DPYSL5: variants seen among roughly 807,000 people sequenced by gnomAD.
The protein encoded by DPYSL5 is dihydropyrimidinase-related protein 5.
Under a neutral mutation model 58.4 loss-of-function variants are expected in DPYSL5, and 9 were observed. The observed-to-expected ratio is 0.15, with a 90% CI of 0.09 to 0.27. DPYSL5 has a LOEUF of 0.27. Among genes scored for constraint, DPYSL5 ranks in the 10% least tolerant of loss-of-function variants. DPYSL5 has a pLI of 1.00. For synonymous variants in DPYSL5, 293 were observed against 301.9 expected (o/e 0.97, Z 0.31); for missense variants, 499 against 770.6 (o/e 0.65, Z 4.17).
In DPYSL5 at chr2:26,934,451, G is replaced by T; in HGVS notation, c.791-127G>T. On this transcript the variant is annotated intron_variant, in intron 7 of 12. Transcript: ENST00000288699. The surrounding 1 kb of genome is among the most constrained non-coding windows in gnomAD (Gnocchi z 4.3). ...ACCCAGCTGTGCTCTTAAAAGCCCT[G>T]TGAGCTTGGGCAGGTCCCTTCCTGT... 8.6e-7 allele frequency: 1 copy of T among 1,156,596 alleles called. No homozygotes were observed. The highest frequency in any genetic ancestry group is 1.2e-6 in the Non-Finnish European group (1 of 830,522). 71.6% of individuals were successfully genotyped at this position (1,156,596 alleles called of 1,614,324 possible).
At chr2:26,922,727 G>A (rs1028892112) in intron 2 of DPYSL5, among the ~76,000 whole-genome samples, 3 of 152,190 alleles carry the variant, frequency 2.0e-5, no homozygotes, top group Admixed American at 2.0e-4. Flanking sequence ...TGCATTTCAG[G>A]ACAAAATAGA....
At chr2:26,850,997 T>A (rs965279281) in intron 1 of DPYSL5, among the ~76,000 whole-genome samples, 6 of 151,680 alleles carry the variant, frequency 4.0e-5, no homozygotes, top group African/African-American at 1.2e-4. Context: ...TATATACACA[T>A]ACTATATTTT....
chr2:26,906,326 G>A (rs1196703210), intron 2 of DPYSL5, among the ~76,000 whole-genome samples: 1 of 151,988 alleles, frequency 6.6e-6, no homozygotes, highest in African/African-American at 2.4e-5. Context: ...TGGGAGTACA[G>A]GCGCCTGCCA....
chr2:26,930,386 T>G (rs1195280321), intron 5 of DPYSL5, among the ~76,000 whole-genome samples: 1 of 152,138 alleles, frequency 6.6e-6, no homozygotes, highest in Non-Finnish European at 1.5e-5. Flanking sequence ...GAGATGTTGC[T>G]CCCCAGGGGA....
At chr2:26,888,929 G>A (rs752705118) in intron 1 of DPYSL5, among the ~76,000 whole-genome samples, 1 of 152,090 alleles carries the variant, frequency 6.6e-6, no homozygotes, top group Non-Finnish European at 1.5e-5. Flanking sequence ...GAGGGTTGCT[G>A]TTGAGGGCTC....
rs192819119 is a variant in DPYSL5, at chr2:26,877,904, A to G, written c.-4-20592A>G. On this transcript the variant is annotated intron_variant, in intron 1 of 12. Transcript: ENST00000288699. This position sits in a 1 kb window ranked among gnomAD's most constrained non-coding sequence, Gnocchi z 4.1. ...GCACAGCCCTCTATTGTGTGAATAT[A>G]CCATTATTTATTTAAACAGTCCTCC... Among the ~76,000 whole-genome samples the G allele has an allele frequency of 1.3e-5, 2 of 152,228 alleles. No individual in the cohort carries two copies. Among genetic ancestry groups the G allele is most frequent in the Admixed American group, 6.5e-5 (1 of 15,282 alleles).
intron 2 of DPYSL5, among the ~76,000 whole-genome samples, chr2:26,906,138 T>C (rs1664281658): frequency 6.6e-6 from 1 of 152,070 alleles, no homozygotes; most frequent in Non-Finnish European, 1.5e-5. Context: ...CTCTCTCCTG[T>C]TTCAAATCTC....
chr2:26,869,861 A>G (rs1663212475), intron 1 of DPYSL5, among the ~76,000 whole-genome samples: 1 of 152,018 alleles, frequency 6.6e-6, no homozygotes, highest in Non-Finnish European at 1.5e-5. Flanking sequence ...AATACAAAAA[A>G]TCAGCCGGGC....
Position 26,947,500 on chromosome 2 carries a change from A to G in DPYSL5, c.*505A>G, listed in dbSNP as rs1268873228. 2.6e-5 allele frequency: 4 copies of G among 155,018 alleles called. No homozygotes were observed. The highest frequency in any genetic ancestry group is 2.5e-4 in the Admixed American group (4 of 15,824). 9.6% of individuals were successfully genotyped at this position (155,018 alleles called of 1,614,324 possible). On this transcript the variant is annotated 3_prime_UTR_variant, in exon 13 of 13. Coordinates refer to ENST00000288699, the MANE Select transcript of DPYSL5 (RefSeq NM_020134.4). This position sits in a 1 kb window ranked among gnomAD's most constrained non-coding sequence, Gnocchi z 4.2. ...TTCCCAGCCATGCCCAGGACGTCCT[A>G]TCTCCCCCAACCCACCTCTGGCCCT...
intron 1 of DPYSL5, among the ~76,000 whole-genome samples, chr2:26,888,327 G>A (rs984956890): frequency 6.7e-6 from 1 of 148,298 alleles, no homozygotes; most frequent in East Asian, 2.0e-4. Flanking sequence ...GAGTGCAGTA[G>A]TAGTGCAATC....
At chr2:26,875,972 G>A (rs530779744) in intron 1 of DPYSL5, among the ~76,000 whole-genome samples, 3 of 152,150 alleles carry the variant, frequency 2.0e-5, no homozygotes, top group African/African-American at 2.4e-5. Context: ...CTCTTTTATC[G>A]GTAGGTATGC....
intron 1 of DPYSL5, among the ~76,000 whole-genome samples, chr2:26,878,966 C>A (rs1017084398): frequency 6.6e-6 from 1 of 152,216 alleles, no homozygotes; most frequent in African/African-American, 2.4e-5. Context: ...GCTTCCCCAC[C>A]CTTTCTGGTA....
intron 2 of DPYSL5, among the ~76,000 whole-genome samples, chr2:26,910,500 C>G (rs1453278827): frequency 6.6e-6 from 1 of 151,988 alleles, no homozygotes; most frequent in African/African-American, 2.4e-5. Context: ...GCCTATATGC[C>G]TTCTATATGT....
chr2:26,866,291 G>A (rs1666137410), intron 1 of DPYSL5, among the ~76,000 whole-genome samples: 1 of 152,152 alleles, frequency 6.6e-6, no homozygotes, highest in Non-Finnish European at 1.5e-5. Flanking sequence ...CATAATAGAG[G>A]CTCAGTAAAT....
In DPYSL5 at chr2:26,931,203, G is replaced by GTATATATATATATATATATA. The variant is rs373034710; in HGVS notation, c.670-429_670-410dup. ...TGTGTGTGTGTGTGTGTGTGTGTGT[G>GTATATATATATATATATATA]TATATATATATATATATATATATAT... On this transcript the variant is annotated intron_variant, in intron 5 of 12. Coordinates refer to ENST00000288699, the MANE Select transcript of DPYSL5 (RefSeq NM_020134.4). Among the ~76,000 whole-genome samples the GTATATATATATATATATATA allele has an allele frequency of 6.4e-3, 286 of 44,876 alleles. 20 individuals are homozygous for GTATATATATATATATATATA. Among genetic ancestry groups the GTATATATATATATATATATA allele is most frequent in the Non-Finnish European group, 9.5e-3 (223 of 23,434 alleles). The allele number at this position is 44,876 out of a possible 152,430, so 29.4% of individuals were successfully genotyped here.
intron 1 of DPYSL5, among the ~76,000 whole-genome samples, chr2:26,889,395 G>A (rs1459444403): frequency 1.3e-5 from 2 of 151,536 alleles, no homozygotes; most frequent in Admixed American, 6.6e-5. Context: ...TCAGCCTCCC[G>A]AGTAGCTGGG....
At chr2:26,890,877 C>T (rs532443796) in intron 1 of DPYSL5, among the ~76,000 whole-genome samples, 5 of 152,264 alleles carry the variant, frequency 3.3e-5, no homozygotes, top group Admixed American at 1.3e-4. Flanking sequence ...AGAGAGAAAG[C>T]GAGCTCTCTG....
Position 26,933,139 on chromosome 2 carries a change from TG to T in DPYSL5, c.715-115del. On this transcript the variant is annotated intron_variant, in intron 6 of 12. Transcript: ENST00000288699. This position sits in a 1 kb window ranked among gnomAD's most constrained non-coding sequence, Gnocchi z 4.2. ...CGCTTAAGGACTGTCACCTTGAGGG[TG>T]GGGTTGAGTGACGCAGGGGGAGGCG... 1.2e-6 allele frequency: 1 copy of T among 840,004 alleles called. No individual in the cohort carries two copies. Among genetic ancestry groups the T allele is most frequent in the Non-Finnish European group, 2.0e-6 (1 of 487,944 alleles). The allele number at this position is 840,004 out of a possible 1,614,324, so 52.0% of individuals were successfully genotyped here.
rs778549610 is a variant in DPYSL5, at chr2:26,934,911, C to G, written c.947+177C>G. ...TGCCATCCTATTGGGATTTTATGAC[C>G]GCTTGATATGGAGTGAGATCTTCTG... On this transcript the variant is annotated intron_variant, in intron 8 of 12. Transcript: ENST00000288699. This position sits in a 1 kb window ranked among gnomAD's most constrained non-coding sequence, Gnocchi z 4.3. Among the ~76,000 whole-genome samples the G allele has an allele frequency of 1.3e-5, 2 of 151,872 alleles. No homozygotes were observed. The highest frequency in any genetic ancestry group is 2.9e-5 in the Non-Finnish European group (2 of 67,866).
Sources: gnomAD v4.1 joint callset for allele counts (sites outside exome capture counted in the v4.1 genomes callset) on GRCh38, gnomAD v4.1.1 for gene constraint, Gnocchi (gnomAD v3.1) non-coding constraint, MANE v1.5 for transcripts, NCBI Gene and HGNC (gene_info 2026-07-23, HGNC 2026-07-21) for gene names.